CAPS2: variants seen among roughly 807,000 people sequenced by gnomAD.
CAPS2 encodes calcyphosine 2.
CAPS2 carries 98 observed loss-of-function variants against 86.5 expected under a neutral mutation model. The observed-to-expected ratio is 1.13, with a 90% CI of 0.96 to 1.34. CAPS2 has a LOEUF of 1.34. Among genes scored for constraint, CAPS2 ranks in the 40% most tolerant of loss-of-function variants. CAPS2 has a pLI of 0.00. For missense variants in CAPS2, 729 were observed against 686.8 expected (o/e 1.06, Z -0.69); for synonymous variants, 210 against 225.1 (o/e 0.93, Z 0.60).
intron 1 of CAPS2, among the ~76,000 whole-genome samples, chr12:75,379,418 T>C (rs1351076938): frequency 1.3e-5 from 2 of 152,198 alleles, no homozygotes; most frequent in African/African-American, 2.4e-5. Context: ...AGGACATGTC[T>C]TTTTTATTTC....
intron 15 of CAPS2, among the ~76,000 whole-genome samples, chr12:75,283,388 T>C (rs1338155778): frequency 6.6e-6 from 1 of 152,198 alleles, no homozygotes; most frequent in African/African-American, 2.4e-5. Flanking sequence ...CCAAAATTCA[T>C]ATGTTGAACC....
At chr12:75,370,321 A>G in intron 1 of CAPS2, 1 of 559,648 alleles carries the variant, frequency 1.8e-6, no homozygotes, top group Non-Finnish European at 3.2e-6. Context: ...TTTTAACTCA[A>G]AAAATGTACT....
chr12:75,310,424 G>GC (rs1348471389), intron 7 of CAPS2, among the ~76,000 whole-genome samples: 3 of 152,246 alleles, frequency 2.0e-5, no homozygotes, highest in Non-Finnish European at 4.4e-5. Flanking sequence ...GGCATTCCAA[G>GC]AAGAGGGGAA....
At chr12:75,389,620 G>C (rs1182974717) in intron 1 of CAPS2, among the ~76,000 whole-genome samples, 1 of 152,162 alleles carries the variant, frequency 6.6e-6, no homozygotes, top group African/African-American at 2.4e-5. Flanking sequence ...CCCTTAAATA[G>C]GTTCTAGCCA....
chr12:75,291,946 G>C (rs1369708210), intron 12 of CAPS2, 126 bp from the exon 13 acceptor site: 2 of 379,172 alleles, frequency 5.3e-6, no homozygotes, highest in African/African-American at 4.2e-5. Context: ...AGAGTGCTTA[G>C]AATTTAATCA....
intron 1 of CAPS2, among the ~76,000 whole-genome samples, chr12:75,362,143 G>A (rs1004503513): frequency 1.3e-5 from 2 of 152,034 alleles, no homozygotes; most frequent in African/African-American, 4.8e-5. Flanking sequence ...AATAAAGGAT[G>A]TACCCTGGAA....
At chr12:75,378,868 G>A (rs1222286494) in intron 1 of CAPS2, among the ~76,000 whole-genome samples, 1 of 152,098 alleles carries the variant, frequency 6.6e-6, no homozygotes, top group East Asian at 1.9e-4. Context: ...CATGTATATA[G>A]AGTCTTATAT....
At chr12:75,334,936 C>CT, upstream of CAPS2, 3 of 1,577,470 alleles carry the variant, frequency 1.9e-6, no homozygotes, top group Non-Finnish European at 2.6e-6. Context: ...TCTTAAATCC[C>CT]TGACTCATCC....
chr12:75,348,851 A>G (rs1470259880), intron 1 of CAPS2, among the ~76,000 whole-genome samples: 4 of 152,328 alleles, frequency 2.6e-5, no homozygotes, highest in East Asian at 1.9e-4. Flanking sequence ...TGGCTATAAT[A>G]CAACAAAGGG....
At chr12:75,360,663 G>A (rs1593810803) in intron 1 of CAPS2, 1 of 152,302 alleles carries the variant, frequency 6.6e-6, no homozygotes, top group East Asian at 1.9e-4. Flanking sequence ...CCTGGTGCAT[G>A]GTGCAAGTTG....
upstream of CAPS2, among the ~76,000 whole-genome samples, chr12:75,327,689 C>G (rs901976746): frequency 1.3e-5 from 2 of 151,592 alleles, no homozygotes; most frequent in Admixed American, 6.6e-5. Flanking sequence ...AACTTAATCT[C>G]TATGAACCAA....
chr12:75,387,180 G>A (rs920815613), intron 1 of CAPS2, among the ~76,000 whole-genome samples: 4 of 152,014 alleles, frequency 2.6e-5, no homozygotes, highest in Non-Finnish European at 5.9e-5. Context: ...AAACTATTAC[G>A]CACAATATGC....
chr12:75,282,424 T>G lies in CAPS2; in HGVS notation c.1516-77A>C, dbSNP rs958159543. 3.3e-6 allele frequency: 3 copies of G among 917,202 alleles called. No homozygotes were observed. The African/African-American group carries it at 4.9e-5, about 15-fold the overall frequency. 56.8% of individuals were successfully genotyped at this position (917,202 alleles called of 1,614,324 possible). On this transcript the variant is annotated intron_variant, in intron 15 of 16. Coordinates refer to ENST00000393284, the Ensembl canonical transcript of CAPS2. ...TGCTTTGAGACAGAGTCTCGCTCTGTCACCCAGACTGGAGTGCAATGGCGT... is the reference window on the plus strand; with the variant it reads ...TGCTTTGAGACAGAGTCTCGCTCTGGCACCCAGACTGGAGTGCAATGGCGT...
At chr12:75,298,689 C>T in exon 11 of CAPS2, 2 of 1,612,442 alleles carry the variant, frequency 1.2e-6, no homozygotes, top group Non-Finnish European at 1.7e-6. Flanking sequence ...CCACTTACAA[C>T]ATAAAAATCA....
intron 5 of CAPS2, among the ~76,000 whole-genome samples, chr12:75,316,762 C>A (rs541507470): frequency 4.4e-4 from 67 of 152,186 alleles, no homozygotes; most frequent in African/African-American, 1.6e-3. Context: ...TAAAAGTTAG[C>A]AGCTATTATA....
intron 12 of CAPS2, among the ~76,000 whole-genome samples, chr12:75,292,570 G>GTA (rs1324490617): frequency 8.2e-4 from 120 of 145,936 alleles, no homozygotes; most frequent in Middle Eastern, 3.6e-3. Context: ...CCTCTAATGT[G>GTA]TATATATATA....
exon 5 of CAPS2, chr12:75,321,485 T>C: frequency 6.5e-7 from 1 of 1,546,618 alleles, no homozygotes; most frequent in Non-Finnish European, 8.8e-7. Flanking sequence ...ATACTGCTTA[T>C]AGCCCTCTTT....
At chr12:75,290,166 T>C (rs1375597056) in intron 13 of CAPS2, among the ~76,000 whole-genome samples, 2 of 152,338 alleles carry the variant, frequency 1.3e-5, no homozygotes, top group Non-Finnish European at 2.9e-5. Context: ...TTTTATCAAC[T>C]GAATTACAAA....
At chr12:75,284,763 T>C (rs2138107247) in intron 15 of CAPS2, among the ~76,000 whole-genome samples, 198 bp downstream of exon 15, 1 of 152,262 alleles carries the variant, frequency 6.6e-6, no homozygotes, top group Admixed American at 6.5e-5. Context: ...ATAGTATTTT[T>C]CTAAAATATA....
Sources: gnomAD v4.1 joint callset for allele counts (sites outside exome capture counted in the v4.1 genomes callset) on GRCh38, gnomAD v4.1.1 for gene constraint, MANE v1.5 for transcripts, NCBI Gene and HGNC (gene_info 2026-07-23, HGNC 2026-07-21) for gene names.